ADAMTS19: variants seen among roughly 807,000 people sequenced by gnomAD.
ADAMTS19 encodes ADAM metallopeptidase with thrombospondin type 1 motif 19.
A neutral mutation model predicts 153.3 loss-of-function variants in ADAMTS19; 93 were observed. That is an observed-to-expected ratio of 0.61 (90% CI 0.51 to 0.72). The LOEUF is 0.72. ADAMTS19 is among the 30% of genes least tolerant of loss of function. ADAMTS19 has a pLI of 0.00. For synonymous variants in ADAMTS19, 600 were observed against 556.6 expected (o/e 1.08, Z -1.10); for missense variants, 1,482 against 1,552.1 (o/e 0.95, Z 0.76).
chr5:129,473,134 C>A (rs1750121197), intron 2 of ADAMTS19, among the ~76,000 whole-genome samples: 1 of 151,608 alleles, frequency 6.6e-6, no homozygotes. Flanking sequence ...CTTTTCTACT[C>A]ATTCACATTC....
intron 19 of ADAMTS19, among the ~76,000 whole-genome samples, chr5:129,695,480 G>A (rs1044852168): frequency 6.6e-6 from 1 of 152,168 alleles, no homozygotes; most frequent in African/African-American, 2.4e-5. Context: ...CAGCAATGCT[G>A]AGCAGCTGTA....
At chr5:129,533,018 G>A (rs1377344011) in intron 6 of ADAMTS19, among the ~76,000 whole-genome samples, 1 of 152,132 alleles carries the variant, frequency 6.6e-6, no homozygotes, top group Admixed American at 6.5e-5. Flanking sequence ...CAGGAGAATT[G>A]CTTGAACCTG....
Position 129,685,751 on chromosome 5 carries a change from A to G in ADAMTS19, c.2818+1478A>G, listed in dbSNP as rs143781407. Among the ~76,000 whole-genome samples the G allele has an allele frequency of 9.9e-5, 15 of 152,284 alleles. No individual in the cohort carries two copies. In the East Asian group the frequency reaches 1.7e-3, roughly 18 times the overall value. On this transcript the variant is annotated intron_variant, in intron 18 of 22. Coordinates refer to ENST00000274487, the MANE Select transcript of ADAMTS19 (RefSeq NM_133638.6). ...TCAAAGGAGTTTGTTGTTGTTTTCA[A>G]TAGGGTATATTATACAACATTGTTT...
intron 14 of ADAMTS19, 34 bp downstream of exon 14, chr5:129,654,467 G>A (rs372868610): frequency 5.3e-5 from 85 of 1,591,580 alleles, no homozygotes; most frequent in African/African-American, 4.5e-4. Flanking sequence ...GAATTTATAT[G>A]TTGAAGGAAA....
At chr5:129,715,294 C>T (rs1054350672) in intron 21 of ADAMTS19, among the ~76,000 whole-genome samples, 7 of 151,984 alleles carry the variant, frequency 4.6e-5, no homozygotes, top group African/African-American at 1.7e-4. Flanking sequence ...TCAGGCTATA[C>T]TATTGAGAAT....
intron 8 of ADAMTS19, among the ~76,000 whole-genome samples, chr5:129,608,102 G>GTA (rs1393441871): frequency 0.029 from 1,424 of 48,330 alleles, 25 homozygotes; most frequent in African/African-American, 0.063. Flanking sequence ...GTGTGTGTGT[G>GTA]TGTGTGTGTG....
chr5:129,704,396 G>A lies in ADAMTS19; in HGVS notation c.3312+5G>A, dbSNP rs201125420. 6.2e-7 allele frequency: 1 copy of A among 1,612,308 alleles called. No homozygotes were observed. The highest frequency in any genetic ancestry group is 2.2e-5 in the East Asian group (1 of 44,786). Reference sequence around the variant, plus strand: ...CGAATGGGTGACTGGTCTAAGGTGAGAACCATTCTGTATATTCTCAGTAAT... The same window carrying A: ...CGAATGGGTGACTGGTCTAAGGTGAAAACCATTCTGTATATTCTCAGTAAT... On this transcript the variant is annotated splice_donor_5th_base_variant and intron_variant, in intron 21 of 22. Coordinates refer to ENST00000274487, the MANE Select transcript of ADAMTS19 (RefSeq NM_133638.6).
chr5:129,539,063 G>T (rs1306510016), intron 6 of ADAMTS19, among the ~76,000 whole-genome samples: 1 of 151,944 alleles, frequency 6.6e-6, no homozygotes. Context: ...TTCACTTTAC[G>T]ATTATGTCTG....
At chr5:129,534,913 G>A (rs892933769) in intron 6 of ADAMTS19, among the ~76,000 whole-genome samples, 31 of 152,066 alleles carry the variant, frequency 2.0e-4, no homozygotes, top group Admixed American at 7.2e-4. Flanking sequence ...GCTATTGATG[G>A]GGCGTATATC....
Position 129,694,736 on chromosome 5 carries a change from A to T in ADAMTS19, c.2835A>T (p.Thr945=). 12 of 1,599,522 alleles carry T rather than the reference A, an allele frequency of 7.5e-6. No homozygotes were observed. Among genetic ancestry groups the T allele is most frequent in the Non-Finnish European group, 1.0e-5 (12 of 1,172,580 alleles). The part of the protein sequence containing the change: ...ATCGGGERKT[T]VSCTKIMSKN... ...TCTTTTCAGGAGAAAGGAAGACAAC[A>T]GTGTCCTGCACAAAAATCATGAGCA... The change falls in exon 19 of 23, where the codon ACA becomes ACT. Residue 945 remains threonine, a synonymous_variant. Coordinates refer to ENST00000274487, the MANE Select transcript of ADAMTS19 (RefSeq NM_133638.6).
intron 7 of ADAMTS19, among the ~76,000 whole-genome samples, chr5:129,552,185 A>C (rs1164899008): frequency 9.2e-5 from 14 of 151,888 alleles, no homozygotes; most frequent in Non-Finnish European, 2.9e-5. Flanking sequence ...GGTTCAATAA[A>C]ATTTTATTAT....
intron 6 of ADAMTS19, among the ~76,000 whole-genome samples, chr5:129,544,084 G>A (rs1360445199): frequency 6.6e-6 from 1 of 152,028 alleles, no homozygotes; most frequent in African/African-American, 2.4e-5. Context: ...AATTTGCCAG[G>A]AGAAACAGAG....
chr5:129,698,903 G>T (rs938512457), intron 19 of ADAMTS19, among the ~76,000 whole-genome samples: 1 of 152,164 alleles, frequency 6.6e-6, no homozygotes, highest in Non-Finnish European at 1.5e-5. Context: ...CAACATGCTG[G>T]ATAGATGAGG....
chr5:129,595,620 A>G (rs561078716), intron 7 of ADAMTS19, among the ~76,000 whole-genome samples: 4 of 152,184 alleles, frequency 2.6e-5, no homozygotes, highest in Admixed American at 1.3e-4. Flanking sequence ...CCATTCCATC[A>G]TGTTTAGTAA....
At chr5:129,585,619 G>A (rs1035183851) in intron 7 of ADAMTS19, among the ~76,000 whole-genome samples, 5 of 151,956 alleles carry the variant, frequency 3.3e-5, no homozygotes, top group African/African-American at 1.2e-4. Context: ...CAGTCTTCCT[G>A]GTGTTCTTCA....
intron 14 of ADAMTS19, among the ~76,000 whole-genome samples, chr5:129,655,287 C>A (rs2127057835): frequency 6.6e-6 from 1 of 152,236 alleles, no homozygotes; most frequent in African/African-American, 2.4e-5. Flanking sequence ...GAAAATCAGG[C>A]CATTTACTCT....
chr5:129,611,637 C>G (rs1209230297), intron 8 of ADAMTS19, among the ~76,000 whole-genome samples: 1 of 152,010 alleles, frequency 6.6e-6, no homozygotes, highest in Non-Finnish European at 1.5e-5. Flanking sequence ...TGTTCTGTTC[C>G]ATTGGTCTAT....
chr5:129,695,532 A>G (rs1268647422), intron 19 of ADAMTS19, among the ~76,000 whole-genome samples: 2 of 152,204 alleles, frequency 1.3e-5, no homozygotes, highest in South Asian at 2.1e-4. Context: ...GGTTACTGGA[A>G]GTTGGGGTAA....
Position 129,721,587 on chromosome 5 carries a change from C to CTT in ADAMTS19, c.3313-13336_3313-13335dup, listed in dbSNP as rs113530812. On this transcript the variant is annotated intron_variant, in intron 21 of 22. Transcript: ENST00000274487. ...CTATTTTTCAGTGTTAAACCAAGGT[C>CTT]TTTTTTTTTTATTTATTTTACTTTA... is the stretch of plus-strand genomic sequence containing the variant. Among the ~76,000 whole-genome samples the CTT allele has an allele frequency of 5.1e-3, 759 of 149,050 alleles. 4 individuals are homozygous for CTT. Among genetic ancestry groups the CTT allele is most frequent in the African/African-American group, 0.017 (689 of 40,682 alleles).
Sources: allele counts gnomAD v4.1 joint callset (sites outside exome capture counted in the v4.1 genomes callset), GRCh38; gene constraint gnomAD v4.1.1; transcripts MANE v1.5; gene names NCBI Gene and HGNC (gene_info 2026-07-23, HGNC 2026-07-21).